RNF111: variants seen among roughly 807,000 people sequenced by gnomAD.
RNF111 encodes E3 ubiquitin-protein ligase Arkadia.
A neutral mutation model predicts 95.1 loss-of-function variants in RNF111; 17 were observed. The ratio of observed to expected loss-of-function variants is 0.18; its 90% CI spans 0.12 to 0.27. The LOEUF is 0.27. Among genes scored for constraint, RNF111 ranks in the 10% least tolerant of loss-of-function variants. RNF111 has a pLI of 1.00. For synonymous variants in RNF111, 440 were observed against 414.8 expected (o/e 1.06, Z -0.74); for missense variants, 1,189 against 1,210.4 (o/e 0.98, Z 0.26).
At chr15:59,062,822 A>G (rs188559667) in intron 5 of RNF111, among the ~76,000 whole-genome samples, 120 of 152,260 alleles carry the variant, frequency 7.9e-4, no homozygotes, top group Non-Finnish European at 1.5e-3. Flanking sequence ...AGATTTCTCA[A>G]CCTTGGCACT....
At chr15:59,034,225 G>A (rs1310260227) in intron 2 of RNF111, among the ~76,000 whole-genome samples, 1 of 152,038 alleles carries the variant, frequency 6.6e-6, no homozygotes, top group African/African-American at 2.4e-5. Flanking sequence ...TATTTAATCA[G>A]CTTTTGTCAG....
In RNF111 at chr15:59,031,085, G is replaced by C; in HGVS notation, c.263G>C (p.Ser88Thr). Residue 88 changes from serine to threonine, a missense_variant, in exon 2 of 14, where the codon AGT becomes ACT. Ser to Thr is a moderately conservative substitution (Grantham distance 58, BLOSUM62 1). Around this residue, in one of 2 missense-constraint regions of RNF111, gnomAD observed 1,024 missense variants for 925.9 expected, o/e 1.11. Coordinates refer to ENST00000348370, the MANE Select transcript of RNF111 (RefSeq NM_017610.8). ...MNGNQQEQEKSLVVRKKRKSQ... is the reference protein window; with the variant it reads ...MNGNQQEQEKTLVVRKKRKSQ... Reference sequence around the variant, plus strand: ...GGTAACCAGCAAGAACAAGAAAAAAGTCTCGTTGTGAGGAAAAAACGCAAA... The same window carrying C: ...GGTAACCAGCAAGAACAAGAAAAAACTCTCGTTGTGAGGAAAAAACGCAAA... 1 of 1,614,226 alleles carries C rather than the reference G, an allele frequency of 6.2e-7. No homozygotes were observed. The highest frequency in any genetic ancestry group is 8.5e-7 in the Non-Finnish European group (1 of 1,180,030).
At chr15:59,046,937 G>A (rs571080760) in intron 2 of RNF111, among the ~76,000 whole-genome samples, 2 of 152,018 alleles carry the variant, frequency 1.3e-5, no homozygotes, top group East Asian at 1.9e-4. Flanking sequence ...GCACAGTCTC[G>A]GCTCACTGCA....
chr15:59,075,099 C>T (rs1484462959), intron 6 of RNF111, among the ~76,000 whole-genome samples: 1 of 152,126 alleles, frequency 6.6e-6, no homozygotes, highest in African/African-American at 2.4e-5. Context: ...CATCAAATAT[C>T]ACCATAACAG....
intron 6 of RNF111, among the ~76,000 whole-genome samples, chr15:59,067,397 C>G (rs1484901006): frequency 6.6e-6 from 1 of 151,890 alleles, no homozygotes; most frequent in Non-Finnish European, 1.5e-5. Context: ...GGCTGGAAAA[C>G]CCAGCATGAG....
chr15:59,089,198 TGAA>T (rs2078981492), intron 10 of RNF111, among the ~76,000 whole-genome samples: 1 of 152,060 alleles, frequency 6.6e-6, no homozygotes, highest in South Asian at 2.1e-4. Flanking sequence ...CCATAAATAA[TGAA>T]GATTGACTGT....
chr15:58,988,955 TA>T lies in RNF111; in HGVS notation c.-20+888del, dbSNP rs139743964. Among the ~76,000 whole-genome samples the T allele has an allele frequency of 4.9e-3, 741 of 152,316 alleles. 9 individuals are homozygous for T. The highest frequency in any genetic ancestry group is 0.017 in the African/African-American group (713 of 41,566). ...TTAATCTAAACTTTATTTCATTTGGTATTTTATCTATAATTTTCTTGTTTTA... is the reference window on the plus strand; with the variant it reads ...TTAATCTAAACTTTATTTCATTTGGTTTTTATCTATAATTTTCTTGTTTTA... On this transcript the variant is annotated intron_variant, in intron 1 of 13. Transcript: ENST00000348370.
rs561033295 is a variant in RNF111 at position 59,049,902 on chromosome 15, C to T, written c.881-2403C>T. Among the ~76,000 whole-genome samples the T allele has an allele frequency of 4.0e-5, 6 of 151,182 alleles. No homozygotes were observed. In the South Asian group the frequency reaches 6.3e-4, roughly 16 times the overall value. On this transcript the variant is annotated intron_variant, in intron 2 of 13. Coordinates refer to ENST00000348370, the MANE Select transcript of RNF111 (RefSeq NM_017610.8). ...GATTACAGGTGCGTGCCACCACACC[C>T]GGCTAATTTTTGTGTTTTTAGTAGA...
intron 1 of RNF111, among the ~76,000 whole-genome samples, chr15:59,002,473 G>A (rs890771248): frequency 1.3e-5 from 2 of 151,852 alleles, no homozygotes; most frequent in Non-Finnish European, 2.9e-5. Context: ...GTACGGTTGA[G>A]TAACATATGT....
chr15:59,063,078 T>C (rs1430623136), intron 5 of RNF111, among the ~76,000 whole-genome samples: 1 of 152,218 alleles, frequency 6.6e-6, no homozygotes, highest in African/African-American at 2.4e-5. Flanking sequence ...ATTGTCTCCA[T>C]GCTTGATGAT....
intron 2 of RNF111, among the ~76,000 whole-genome samples, chr15:59,044,771 T>G (rs2141894000): frequency 6.6e-6 from 1 of 152,368 alleles, no homozygotes; most frequent in Admixed American, 6.5e-5. Context: ...GATTTTCTTT[T>G]AAGTCGTGCT....
intron 10 of RNF111, among the ~76,000 whole-genome samples, chr15:59,086,903 T>C (rs1401673701): frequency 6.6e-6 from 1 of 152,228 alleles, no homozygotes; most frequent in African/African-American, 2.4e-5. Context: ...TCCTCAGTTA[T>C]GTGGAAAAAT....
intron 1 of RNF111, among the ~76,000 whole-genome samples, chr15:59,004,511 A>G (rs1169728434): frequency 6.6e-6 from 1 of 152,214 alleles, no homozygotes; most frequent in Non-Finnish European, 1.5e-5. Flanking sequence ...TTCAAACCAT[A>G]AAAGGTTTGT....
chr15:59,029,631 T>G (rs1457475038), intron 1 of RNF111, among the ~76,000 whole-genome samples: 2 of 152,248 alleles, frequency 1.3e-5, no homozygotes, highest in Non-Finnish European at 2.9e-5. Context: ...GGGAAAATAC[T>G]TGCTTACTAA....
Position 59,085,242 on chromosome 15 carries a change from C to G in RNF111, c.2424-417C>G, listed in dbSNP as rs145870451. Among the ~76,000 whole-genome samples, 678 of 152,268 alleles carry G rather than the reference C, an allele frequency of 4.5e-3. 4 individuals carry two copies. Among genetic ancestry groups the G allele is most frequent in the Middle Eastern group, 0.041 (12 of 294 alleles). ...ATAAGGTGTAGAAGAGTTTGCTATT[C>G]TAATCGTCCTTAATGTCAACAACCA... On this transcript the variant is annotated intron_variant, in intron 9 of 13. Transcript: ENST00000348370.
intron 4 of RNF111, among the ~76,000 whole-genome samples, chr15:59,056,346 G>C (rs1433296967): frequency 6.6e-6 from 1 of 152,096 alleles, no homozygotes; most frequent in Non-Finnish European, 1.5e-5. Flanking sequence ...CCAAGTAACT[G>C]AGGAAACAAA....
At chr15:58,997,577 G>A (rs1348809638) in intron 1 of RNF111, among the ~76,000 whole-genome samples, 1 of 151,768 alleles carries the variant, frequency 6.6e-6, no homozygotes, top group African/African-American at 2.4e-5. Flanking sequence ...CCAGCACTTT[G>A]GGAGGCTGAG....
In RNF111 at chr15:58,987,809, GAGA is replaced by G. The variant is rs1449553848; in HGVS notation, c.-276_-274del. ...CAGCGTAGAAACGCCCGCAGCTTCAGAGAAGGAGTTCTTGTGGGACCAAATTAG... is the reference window on the plus strand; with the variant it reads ...CAGCGTAGAAACGCCCGCAGCTTCAGAGGAGTTCTTGTGGGACCAAATTAG... On this transcript the variant is annotated 5_prime_UTR_variant, in exon 1 of 14. Coordinates refer to ENST00000348370, the MANE Select transcript of RNF111 (RefSeq NM_017610.8). The G allele has an allele frequency of 6.4e-6, 1 of 157,430 alleles. No homozygotes were observed. Among genetic ancestry groups the G allele is most frequent in the East Asian group, 1.9e-4 (1 of 5,352 alleles). 9.8% of individuals were successfully genotyped at this position (157,430 alleles called of 1,614,324 possible).
At chr15:59,084,340 C>A (rs990733161) in intron 9 of RNF111, 86 bp downstream of exon 9, 24 of 1,295,144 alleles carry the variant, frequency 1.9e-5, no homozygotes, top group Non-Finnish European at 2.2e-5. Context: ...GATTGCTTTG[C>A]AGAAGGATGA....
Sources: gnomAD v4.1 joint callset for allele counts (sites outside exome capture counted in the v4.1 genomes callset) on GRCh38, gnomAD v4.1.1 for gene constraint, gnomAD v4.1.1 regional missense constraint, MANE v1.5 for transcripts, NCBI Gene and HGNC (gene_info 2026-07-23, HGNC 2026-07-21) for gene names.